The following ERICH6B variants were observed in gnomAD, a reference collection of about 807,000 sequenced individuals.
ERICH6B encodes the protein glutamate rich 6B.
ERICH6B carries 69 observed loss-of-function variants against 80.0 expected under a neutral mutation model. The ratio of observed to expected loss-of-function variants is 0.86; its 90% CI spans 0.71 to 1.05. The LOEUF is 1.05. Ranked by LOEUF, ERICH6B falls within the 50% of genes least tolerant of loss-of-function variation. The probability of loss-of-function intolerance (pLI) is 0.00; values close to 1 mark genes in which losing one functional copy is unlikely to be tolerated. For missense variants in ERICH6B, 754 were observed against 796.1 expected, an observed-to-expected ratio of 0.95 and a Z score of 0.64; for synonymous variants, 283 against 291.9, an observed-to-expected ratio of 0.97 and a Z score of 0.31.
chr13:45,573,092 T>G (rs1875243115), intron 8 of ERICH6B, among the ~76,000 whole-genome samples: 1 of 152,064 alleles, frequency 6.6e-6, no homozygotes, highest in Admixed American at 6.5e-5. Flanking sequence ...TGCTAGAAAT[T>G]TATTCTTTAC....
intron 5 of ERICH6B, among the ~76,000 whole-genome samples, chr13:45,584,710 T>C (rs182679398): frequency 9.2e-5 from 14 of 152,340 alleles, no homozygotes; most frequent in African/African-American, 2.9e-4. Flanking sequence ...TGCCCATGCC[T>C]GGCTTCGTCT....
intron 14 of ERICH6B, among the ~76,000 whole-genome samples, chr13:45,543,298 C>T (rs1001491758): frequency 1.8e-4 from 28 of 152,158 alleles, no homozygotes; most frequent in Admixed American, 9.2e-4. Context: ...GGGGTCCAGC[C>T]TCAACATTTT....
intron 3 of ERICH6B, among the ~76,000 whole-genome samples, chr13:45,595,471 G>C (rs1400032127): frequency 6.6e-6 from 1 of 151,666 alleles, no homozygotes; most frequent in Non-Finnish European, 1.5e-5. Context: ...TATAAAGCAT[G>C]ATCCTTTTAT....
chr13:45,613,145 G>T (rs937563263), intron 1 of ERICH6B, among the ~76,000 whole-genome samples: 6 of 151,994 alleles, frequency 3.9e-5, no homozygotes, highest in African/African-American at 1.5e-4. Context: ...TGTTCAAAGA[G>T]CGGGGTACCC....
At chr13:45,576,125 C>G (rs1875391805) in intron 7 of ERICH6B, among the ~76,000 whole-genome samples, 1 of 152,174 alleles carries the variant, frequency 6.6e-6, no homozygotes, top group Non-Finnish European at 1.5e-5. Context: ...CCAATTTTGG[C>G]TCCGTAGCAA....
intron 10 of ERICH6B, 127 bp from the exon 11 acceptor site, chr13:45,561,653 G>A: frequency 9.9e-7 from 1 of 1,010,528 alleles, no homozygotes; most frequent in South Asian, 1.7e-5. Flanking sequence ...TTTTTCCCCA[G>A]TGAGGAAGGC....
chr13:45,611,628 G>C (rs979872100), intron 1 of ERICH6B, among the ~76,000 whole-genome samples: 3 of 152,198 alleles, frequency 2.0e-5, no homozygotes, highest in African/African-American at 7.2e-5. Context: ...TAGGGGAAAG[G>C]GGAGGCCAGG....
intron 2 of ERICH6B, among the ~76,000 whole-genome samples, chr13:45,606,248 C>G (rs937352025): frequency 1.4e-4 from 21 of 152,056 alleles, no homozygotes; most frequent in African/African-American, 4.3e-4. Context: ...CAATTAACCT[C>G]TCTTAAATAG....
rs1468304359 is a variant in ERICH6B at position 45,548,644 on chromosome 13, A to T, written c.1646+1249T>A. 3.3e-5 allele frequency among the ~76,000 whole-genome samples: 5 copies of T among 152,134 alleles called. No individual in the cohort carries two copies. The East Asian group carries it at 9.6e-4, about 29-fold the overall frequency. Reference sequence around the variant, plus strand: ...GATGCTCAGGTGCAGAGGGGCCGGGACATGCTGATAGGACTGAGAGGGGGA... The same window carrying T: ...GATGCTCAGGTGCAGAGGGGCCGGGTCATGCTGATAGGACTGAGAGGGGGA... On this transcript the variant is annotated intron_variant, in intron 13 of 14. Transcript: ENST00000298738.
intron 10 of ERICH6B, among the ~76,000 whole-genome samples, chr13:45,562,511 G>T (rs1189542087): frequency 6.6e-6 from 1 of 152,194 alleles, no homozygotes; most frequent in African/African-American, 2.4e-5. Context: ...GAGCTGAGTG[G>T]CTGGAGCCAT....
At chr13:45,564,568 C>T (rs1466337068) in intron 9 of ERICH6B, among the ~76,000 whole-genome samples, 1 of 152,222 alleles carries the variant, frequency 6.6e-6, no homozygotes, top group African/African-American at 2.4e-5. Flanking sequence ...AGCAAACATC[C>T]TTTGCTGGAA....
At chr13:45,567,998 G>C (rs762350473) in intron 9 of ERICH6B, among the ~76,000 whole-genome samples, 12 of 152,188 alleles carry the variant, frequency 7.9e-5, no homozygotes, top group Non-Finnish European at 1.6e-4. Flanking sequence ...ACAAGTTCAT[G>C]GTCCCTGCAA....
At chr13:45,606,503 G>GTATA (rs1168252497) in intron 2 of ERICH6B, among the ~76,000 whole-genome samples, 6 of 32,780 alleles carry the variant, frequency 1.8e-4, no homozygotes, top group African/African-American at 9.9e-4. Context: ...AAAAGTGTAT[G>GTATA]TGTATATATA....
intron 8 of ERICH6B, among the ~76,000 whole-genome samples, chr13:45,571,731 TTGAAA>T (rs1259143089): frequency 1.3e-5 from 2 of 152,294 alleles, no homozygotes; most frequent in East Asian, 3.9e-4. Context: ...GGTACTCAAG[TTGAAA>T]TGAGGTCCTC....
chr13:45,574,825 G>T lies in ERICH6B; in HGVS notation c.1050+17C>A. The T allele has an allele frequency of 1.3e-6, 2 of 1,521,808 alleles. No individual in the cohort carries two copies. Among genetic ancestry groups the T allele is most frequent in the Non-Finnish European group, 1.8e-6 (2 of 1,122,116 alleles). 94.3% of individuals were successfully genotyped at this position (1,521,808 alleles called of 1,614,324 possible). On this transcript the variant is annotated intron_variant, in intron 8 of 14. Coordinates refer to ENST00000298738, the MANE Select transcript of ERICH6B (RefSeq NM_182542.3). ...GAGGAAGCTGGGGGGGGGGTCTCAA[G>T]TTTTTATCCAACTTACGTTTTCATC...
At chr13:45,578,176 C>T (rs1281193100) in intron 7 of ERICH6B, among the ~76,000 whole-genome samples, 4 of 152,330 alleles carry the variant, frequency 2.6e-5, no homozygotes. Context: ...TCCTCCACCA[C>T]CACCTGGTTA....
intron 11 of ERICH6B, among the ~76,000 whole-genome samples, chr13:45,555,127 T>G (rs1874383315): frequency 1.3e-5 from 2 of 152,142 alleles, no homozygotes; most frequent in African/African-American, 4.8e-5. Context: ...GGCAAAGATC[T>G]GAGGCAGGAT....
rs1875336630 is a variant in ERICH6B at position 45,575,070 on chromosome 13, G to GT, written c.962-141dup. 8.2e-6 allele frequency: 5 copies of GT among 607,140 alleles called. No individual in the cohort carries two copies. The East Asian group carries it at 1.4e-4, about 17-fold the overall frequency. 37.6% of individuals were successfully genotyped at this position (607,140 alleles called of 1,614,324 possible). ...AAAATGCATACATCATCAATGAGAT[G>GT]TTAAATAGGTTAATCACATGACCTA... On this transcript the variant is annotated intron_variant, in intron 7 of 14. Coordinates refer to ENST00000298738, the MANE Select transcript of ERICH6B (RefSeq NM_182542.3).
intron 5 of ERICH6B, among the ~76,000 whole-genome samples, chr13:45,584,358 G>T (rs1019031321): frequency 6.6e-6 from 1 of 152,166 alleles, no homozygotes; most frequent in African/African-American, 2.4e-5. Context: ...TGGAGTCATA[G>T]GTCCCAAGTA....
Sources: allele counts gnomAD v4.1 joint callset (sites outside exome capture counted in the v4.1 genomes callset), GRCh38; gene constraint gnomAD v4.1.1; transcripts MANE v1.5; gene names NCBI Gene and HGNC (gene_info 2026-07-23, HGNC 2026-07-21).